CD80: variants seen among roughly 807,000 people sequenced by gnomAD.
The protein encoded by CD80 is CD80 molecule.
In CD80, 13 loss-of-function variants were observed where a neutral mutation model predicts 27.1. That is an observed-to-expected ratio of 0.48 (90% CI 0.31 to 0.76). CD80 has a LOEUF of 0.76. Among genes scored for constraint, CD80 ranks in the 30% least tolerant of loss-of-function variants. The pLI is 0.04. For missense variants in CD80, 277 were observed against 347.9 expected, an observed-to-expected ratio of 0.80 and a Z score of 1.62; for synonymous variants, 125 against 125.5, an observed-to-expected ratio of 1.00 and a Z score of 0.03.
At position 119,529,930 on chromosome 3, in the gene CD80, T is replaced by C; in HGVS notation, c.708A>G (p.Gln236=). ...GGAGCAGGTTATCAGGAAAATGCTCTTGCTTGGCTATGGAGGGAAAAGAAT... is the reference window on the plus strand; with the variant it reads ...GGAGCAGGTTATCAGGAAAATGCTCCTGCTTGGCTATGGAGGGAAAAGAAT... The part of the protein sequence containing the change: ...NQTFNWNTTK[Q]EHFPDNLLPS... The change falls in exon 5 of 7, where the codon CAA becomes CAG. Residue 236 remains glutamine (Q), a synonymous_variant. Coordinates refer to ENST00000264246, the MANE Select transcript of CD80 (RefSeq NM_005191.4). The C allele has an allele frequency of 6.2e-7, 1 of 1,610,760 alleles. No homozygotes were observed. Among genetic ancestry groups the C allele is most frequent in the South Asian group, 1.1e-5 (1 of 91,002 alleles).
At chr3:119,540,736 A>T (rs889251929) in intron 3 of CD80, among the ~76,000 whole-genome samples, 1 of 152,196 alleles carries the variant, frequency 6.6e-6, no homozygotes, top group Non-Finnish European at 1.5e-5. Context: ...AATGCCACTC[A>T]TACCAGGAAC....
chr3:119,543,579 C>T (rs2082183553), intron 3 of CD80, among the ~76,000 whole-genome samples: 1 of 151,578 alleles, frequency 6.6e-6, no homozygotes, highest in East Asian at 2.0e-4. Flanking sequence ...GCCTCAGCCT[C>T]CTGAGTAGCC....
chr3:119,555,271 A>T (rs1354428599), intron 2 of CD80, among the ~76,000 whole-genome samples: 1 of 152,124 alleles, frequency 6.6e-6, no homozygotes, highest in Non-Finnish European at 1.5e-5. Flanking sequence ...ACCACCCCAA[A>T]TCTAGAGTTC....
chr3:119,527,900 T>G, intron 5 of CD80, 59 bp from the exon 6 acceptor site: 1 of 1,431,870 alleles, frequency 7.0e-7, no homozygotes, highest in Non-Finnish European at 9.8e-7. Context: ...ATTGTGCCCA[T>G]ATGTTAATAT....
At chr3:119,532,852 C>T (rs573558979) in intron 4 of CD80, among the ~76,000 whole-genome samples, 11 of 152,284 alleles carry the variant, frequency 7.2e-5, no homozygotes, top group African/African-American at 2.6e-4. Flanking sequence ...GTTTCCTAGG[C>T]TCTAATAACT....
intron 5 of CD80, among the ~76,000 whole-genome samples, chr3:119,529,482 T>A (rs1263571663): frequency 1.3e-5 from 2 of 152,058 alleles, no homozygotes; most frequent in South Asian, 2.1e-4. Context: ...TAAAAAAAAA[T>A]TAGAATATCA....
chr3:119,550,620 G>A (rs1292362042), intron 2 of CD80, among the ~76,000 whole-genome samples: 1 of 152,192 alleles, frequency 6.6e-6, no homozygotes, highest in Non-Finnish European at 1.5e-5. Flanking sequence ...TAACGATTTT[G>A]TCTGCTTCAG....
At chr3:119,534,879 G>T (rs958994640) in intron 4 of CD80, among the ~76,000 whole-genome samples, 8 of 152,086 alleles carry the variant, frequency 5.3e-5, no homozygotes, top group Non-Finnish European at 1.0e-4. Context: ...AGGAAATTTT[G>T]TCTCATTGAG....
chr3:119,542,150 T>C (rs941015242), intron 3 of CD80, among the ~76,000 whole-genome samples: 12 of 145,126 alleles, frequency 8.3e-5, no homozygotes, highest in African/African-American at 3.1e-4. Context: ...GCTATGATGA[T>C]GAGAATTTCA....
At chr3:119,553,058 G>A (rs1026280630) in intron 2 of CD80, among the ~76,000 whole-genome samples, 1 of 150,632 alleles carries the variant, frequency 6.6e-6, no homozygotes, top group Non-Finnish European at 1.5e-5. Flanking sequence ...TAGTGATGGT[G>A]GTTTCACAAC....
intron 2 of CD80, among the ~76,000 whole-genome samples, chr3:119,554,587 G>C (rs1336374536): frequency 1.3e-5 from 2 of 152,206 alleles, no homozygotes; most frequent in Non-Finnish European, 2.9e-5. Flanking sequence ...GCATGAAAGA[G>C]GAGTCCCTTC....
intron 5 of CD80, 111 bp from the exon 6 acceptor site, chr3:119,527,952 T>C: frequency 1.1e-6 from 1 of 890,286 alleles, no homozygotes; most frequent in Admixed American, 2.0e-5. Flanking sequence ...ACTGGAGCAG[T>C]TGTTCTTATA....
intron 6 of CD80, 117 bp from the exon 7 acceptor site, chr3:119,525,866 ATG>A (rs1202028965): frequency 7.0e-6 from 1 of 143,510 alleles, no homozygotes; most frequent in Non-Finnish European, 1.5e-5. Flanking sequence ...ATATGTATAT[ATG>A]TATATATAAT....
intron 4 of CD80, among the ~76,000 whole-genome samples, chr3:119,535,770 A>C (rs1018056595): frequency 3.9e-5 from 6 of 151,970 alleles, no homozygotes; most frequent in African/African-American, 1.2e-4. Flanking sequence ...TTCGCCCACA[A>C]AAAAAAATTG....
At chr3:119,536,630 G>A (rs2082139854) in intron 4 of CD80, among the ~76,000 whole-genome samples, 1 of 152,204 alleles carries the variant, frequency 6.6e-6, no homozygotes, top group South Asian at 2.1e-4. Context: ...GAGCCACTGT[G>A]CCCAGTCTCA....
chr3:119,548,891 G>A (rs141049888), intron 2 of CD80, among the ~76,000 whole-genome samples: 121 of 152,232 alleles, frequency 7.9e-4, no homozygotes, highest in South Asian at 6.8e-3. Context: ...AAAAAAATTA[G>A]CCGGGCATGT....
intron 2 of CD80, among the ~76,000 whole-genome samples, chr3:119,554,218 A>G (rs2082250756): frequency 6.6e-6 from 1 of 152,246 alleles, no homozygotes; most frequent in African/African-American, 2.4e-5. Flanking sequence ...CTGGGCCAGC[A>G]GCATAGCGGT....
chr3:119,535,703 G>T (rs1017055651), intron 4 of CD80, among the ~76,000 whole-genome samples: 27 of 152,018 alleles, frequency 1.8e-4, no homozygotes, highest in Admixed American at 3.3e-4. Context: ...CAAGGAGTTT[G>T]TCACTCACCT....
intron 1 of CD80, among the ~76,000 whole-genome samples, chr3:119,558,785 A>G (rs1328059009): frequency 6.8e-6 from 1 of 146,846 alleles, no homozygotes; most frequent in Non-Finnish European, 1.5e-5. Flanking sequence ...AAAAAAAAAA[A>G]TTATGTACTG....
Sources: allele counts gnomAD v4.1 joint callset (sites outside exome capture counted in the v4.1 genomes callset), GRCh38; gene constraint gnomAD v4.1.1; transcripts MANE v1.5; gene names NCBI Gene and HGNC (gene_info 2026-07-23, HGNC 2026-07-21).